The following PCSK5 variants were observed in gnomAD, a reference collection of about 807,000 sequenced individuals.
PCSK5 encodes prohormone convertase 5.
Under a neutral mutation model 233.2 loss-of-function variants are expected in PCSK5, and 129 were observed. That is an observed-to-expected ratio of 0.55 (90% CI 0.48 to 0.64). PCSK5 has a LOEUF of 0.64. PCSK5 is among the 30% of genes least tolerant of loss of function. The pLI is 0.00. For synonymous variants in PCSK5, 825 were observed against 879.2 expected, an observed-to-expected ratio of 0.94 and a Z score of 1.09; for missense variants, 2,076 against 2,430.1, an observed-to-expected ratio of 0.85 and a Z score of 3.06.
intron 12 of PCSK5, among the ~76,000 whole-genome samples, chr9:76,161,637 T>C (rs929889694): frequency 2.0e-5 from 3 of 152,192 alleles, no homozygotes; most frequent in Non-Finnish European, 4.4e-5. Flanking sequence ...CTGTCTGGGC[T>C]CTTCCTGCAT....
At chr9:76,061,698 T>A (rs1414012902) in intron 5 of PCSK5, among the ~76,000 whole-genome samples, 1 of 127,616 alleles carries the variant, frequency 7.8e-6, no homozygotes, top group Non-Finnish European at 1.7e-5. Context: ...TACAGTAATC[T>A]ATTTTATATC....
intron 5 of PCSK5, among the ~76,000 whole-genome samples, chr9:76,057,233 A>G (rs772415862): frequency 6.6e-6 from 1 of 152,096 alleles, no homozygotes; most frequent in Non-Finnish European, 1.5e-5. Context: ...CTTGCTGACC[A>G]CCCTTATAAT....
chr9:75,952,484 AT>A (rs1824905556), intron 2 of PCSK5, among the ~76,000 whole-genome samples: 1 of 152,150 alleles, frequency 6.6e-6, no homozygotes, highest in Non-Finnish European at 1.5e-5. Flanking sequence ...ATATGGTAAC[AT>A]TTATCCTGTT....
At chr9:76,230,058 G>T (rs764093539) in intron 21 of PCSK5, among the ~76,000 whole-genome samples, 9 of 152,144 alleles carry the variant, frequency 5.9e-5, no homozygotes, top group Admixed American at 1.3e-4. Context: ...CTTTTATAGA[G>T]AAAAATATCT....
intron 7 of PCSK5, among the ~76,000 whole-genome samples, chr9:76,094,945 T>C (rs1831447240): frequency 6.6e-6 from 1 of 152,190 alleles, no homozygotes; most frequent in Non-Finnish European, 1.5e-5. Context: ...CTACCAAGCT[T>C]TGGCATGAAG....
chr9:75,988,293 CTT>C (rs1287279722), intron 3 of PCSK5, among the ~76,000 whole-genome samples: 2 of 144,696 alleles, frequency 1.4e-5, no homozygotes, highest in Admixed American at 6.9e-5. Context: ...CTTTTCTTTT[CTT>C]TTTTTTTTTT....
intron 20 of PCSK5, chr9:76,205,046 A>G (rs990128299): frequency 2.2e-5 from 11 of 508,964 alleles, no homozygotes; most frequent in Admixed American, 1.6e-4. Flanking sequence ...AAGGGGTTAT[A>G]TAACTACCAA....
intron 24 of PCSK5, among the ~76,000 whole-genome samples, chr9:76,242,326 C>G (rs543965758): frequency 1.5e-3 from 224 of 152,070 alleles, no homozygotes; most frequent in Admixed American, 4.8e-3. Context: ...CACTCTTTGC[C>G]TTAAATGGAA....
chr9:76,194,279 G>A (rs1467054579), intron 20 of PCSK5: 2 of 152,014 alleles, frequency 1.3e-5, no homozygotes, highest in East Asian at 1.9e-4. Context: ...CATTTGTCAT[G>A]GTGGGAAGCA....
In PCSK5 at chr9:76,202,961, A is replaced by G. The variant is rs143834586; in HGVS notation, c.2626+13215A>G. Reference sequence around the variant, plus strand: ...TAACTGTTATGGATAGTTGAAAAAAATGAATGAATGAATAATTAAATGAAA... The same window carrying G: ...TAACTGTTATGGATAGTTGAAAAAAGTGAATGAATGAATAATTAAATGAAA... On this transcript the variant is annotated intron_variant, in intron 20 of 37. Coordinates refer to ENST00000674117, the MANE Select transcript of PCSK5 (RefSeq NM_001372043.1). Among the ~76,000 whole-genome samples, 4 of 152,338 alleles carry G rather than the reference A, an allele frequency of 2.6e-5. No homozygotes were observed. In the East Asian group the frequency reaches 7.7e-4, roughly 29 times the overall value.
intron 20 of PCSK5, among the ~76,000 whole-genome samples, chr9:76,219,505 T>TG: frequency 6.6e-6 from 1 of 152,152 alleles, no homozygotes; most frequent in Non-Finnish European, 1.5e-5. Flanking sequence ...TTAAGCTCTG[T>TG]GGGGAGGACT....
intron 32 of PCSK5, among the ~76,000 whole-genome samples, chr9:76,327,131 G>T (rs1829386911): frequency 6.9e-6 from 1 of 145,858 alleles, no homozygotes; most frequent in Non-Finnish European, 1.5e-5. Flanking sequence ...TCCTGAGACA[G>T]GGTCTCACTC....
intron 24 of PCSK5, among the ~76,000 whole-genome samples, chr9:76,267,852 A>G (rs896178808): frequency 1.3e-5 from 2 of 152,160 alleles, no homozygotes; most frequent in Admixed American, 6.6e-5. Context: ...TTAAGAATGG[A>G]TACAAGGAGA....
At chr9:76,138,338 A>T (rs973605949) in intron 10 of PCSK5, among the ~76,000 whole-genome samples, 5 of 152,108 alleles carry the variant, frequency 3.3e-5, no homozygotes, top group African/African-American at 1.2e-4. Flanking sequence ...AGCAGAAGGC[A>T]TCTGCTATAG....
intron 24 of PCSK5, among the ~76,000 whole-genome samples, chr9:76,266,331 A>G (rs1020585218): frequency 6.6e-6 from 1 of 152,214 alleles, no homozygotes; most frequent in Non-Finnish European, 1.5e-5. Context: ...ATTGTAAAAA[A>G]TAATTACATG....
chr9:76,018,441 C>A (rs2131471629), intron 3 of PCSK5, among the ~76,000 whole-genome samples: 1 of 152,260 alleles, frequency 6.6e-6, no homozygotes, highest in South Asian at 2.1e-4. Flanking sequence ...CGCCTCCTGT[C>A]GAATCAGCAG....
chr9:75,928,596 CATATATATATATATATAT>C (rs61537466), intron 1 of PCSK5, among the ~76,000 whole-genome samples: 1,247 of 68,422 alleles, frequency 0.018, 43 homozygotes, highest in African/African-American at 0.05. Context: ...CATATAAATA[CATATATATATATATATAT>C]ATATATATAT....
intron 3 of PCSK5, among the ~76,000 whole-genome samples, chr9:75,989,622 G>T (rs572784223): frequency 6.6e-6 from 1 of 152,300 alleles, no homozygotes; most frequent in Non-Finnish European, 1.5e-5. Flanking sequence ...GGCTTGGTGA[G>T]AGCGGGAAGC....
At chr9:76,250,780 C>T (rs1366145058) in intron 24 of PCSK5, among the ~76,000 whole-genome samples, 1 of 152,112 alleles carries the variant, frequency 6.6e-6, no homozygotes, top group African/African-American at 2.4e-5. Flanking sequence ...GAATAAATTA[C>T]GGACTTTACG....
Sources: gnomAD v4.1 joint callset for allele counts (sites outside exome capture counted in the v4.1 genomes callset) on GRCh38, gnomAD v4.1.1 for gene constraint, MANE v1.5 for transcripts, NCBI Gene and HGNC (gene_info 2026-07-23, HGNC 2026-07-21) for gene names.